GOLPH3: variants seen among roughly 807,000 people sequenced by gnomAD.
GOLPH3 encodes golgi phosphoprotein 3, also known as coat protein GPP34.
A neutral mutation model predicts 28.5 loss-of-function variants in GOLPH3; 14 were observed. That is an observed-to-expected ratio of 0.49 (90% CI 0.32 to 0.77). The LOEUF (loss-of-function observed/expected upper bound fraction) is 0.77, where lower values mean the gene tolerates loss of function less well. Among genes scored for constraint, GOLPH3 ranks in the 30% least tolerant of loss-of-function variants. GOLPH3 has a pLI of 0.03. For missense variants in GOLPH3, 350 were observed against 393.7 expected (o/e 0.89, Z 0.94); for synonymous variants, 158 against 159.2 (o/e 0.99, Z 0.06).
At position 32,126,385 on chromosome 5, in the gene GOLPH3, G is replaced by A; in HGVS notation, c.724C>T (p.Leu242=). The change falls in exon 4 of 4, where the codon CTG becomes TTG. Residue 242 remains leucine, a synonymous_variant. Coordinates refer to ENST00000265070, the MANE Select transcript of GOLPH3 (RefSeq NM_022130.4). ...TCCAGGACGTCCGAGGCATGAGCCA[G>A]GTAAATGAGGGCCAGCAAGCGCCTG... is the stretch of plus-strand genomic sequence containing the variant. ...MDRRLLALIY[L]AHASDVLENA... 1 of 1,614,182 alleles carries A rather than the reference G, an allele frequency of 6.2e-7. No individual in the cohort carries two copies. The highest frequency in any genetic ancestry group is 8.5e-7 in the Non-Finnish European group (1 of 1,180,040).
intron 2 of GOLPH3, among the ~76,000 whole-genome samples, chr5:32,136,383 A>C (rs1041147581): frequency 4.6e-5 from 7 of 151,296 alleles, no homozygotes; most frequent in Admixed American, 1.3e-4. Context: ...CTGGAGGCTG[A>C]GGCAGGAGAA....
Position 32,173,843 on chromosome 5 carries a change from C to T in GOLPH3, c.192G>A (p.Glu64=), listed in dbSNP as rs932039678. 6.6e-7 allele frequency: 1 copy of T among 1,508,948 alleles called. No individual in the cohort carries two copies. The highest frequency in any genetic ancestry group is 8.9e-7 in the Non-Finnish European group (1 of 1,129,878). The allele number at this position is 1,508,948 out of a possible 1,614,324, so 93.5% of individuals were successfully genotyped here. ...DSKETRLTLM[E]EVLLLGLKDR... ...CCTTGAGGCCCAGCAGGAGCACTTC[C>T]TCCATCAGGGTCAGCCGCGTTTCCT... is the stretch of plus-strand genomic sequence containing the variant. The change falls in exon 1 of 4, where the codon GAG becomes GAA. Residue 64 remains glutamate (E), a synonymous_variant. Transcript: ENST00000265070.
chr5:32,143,522 C>A (rs1021634120), intron 2 of GOLPH3, among the ~76,000 whole-genome samples: 6 of 151,974 alleles, frequency 3.9e-5, no homozygotes, highest in Non-Finnish European at 8.8e-5. Context: ...TAGAATCTTT[C>A]TGAATTTGTA....
chr5:32,140,659 G>A (rs1265988596), intron 2 of GOLPH3, among the ~76,000 whole-genome samples: 1 of 144,562 alleles, frequency 6.9e-6, no homozygotes, highest in Admixed American at 6.8e-5. Flanking sequence ...GTGACACTCA[G>A]TCTCAGAAAA....
chr5:32,174,266 C>A lies in GOLPH3; in HGVS notation c.-232G>T, dbSNP rs557421547. 1.2e-4 allele frequency: 44 copies of A among 354,920 alleles called. No homozygotes were observed. The highest frequency in any genetic ancestry group is 7.0e-4 in the African/African-American group (33 of 47,194). The allele number at this position is 354,920 out of a possible 1,614,324, so 22.0% of individuals were successfully genotyped here. On this transcript the variant is annotated 5_prime_UTR_variant, in exon 1 of 4. Transcript: ENST00000265070. Reference sequence around the variant, plus strand: ...GCGCCTTCCTGCCTGTGGCCGCAGTCCCCGAAACACCCCGAGCTCCAAGGC... The same window carrying A: ...GCGCCTTCCTGCCTGTGGCCGCAGTACCCGAAACACCCCGAGCTCCAAGGC...
chr5:32,149,237 G>T (rs1408119355), intron 1 of GOLPH3, among the ~76,000 whole-genome samples: 1 of 152,202 alleles, frequency 6.6e-6, no homozygotes, highest in Non-Finnish European at 1.5e-5. Context: ...GGCAAACCAA[G>T]ACATACAGAG....
At chr5:32,158,781 T>C (rs1334883793) in intron 1 of GOLPH3, among the ~76,000 whole-genome samples, 1 of 152,204 alleles carries the variant, frequency 6.6e-6, no homozygotes, top group Non-Finnish European at 1.5e-5. Flanking sequence ...AAGTCTCTAC[T>C]TTCTCTTCCG....
chr5:32,141,605 G>A (rs577595734), intron 2 of GOLPH3, among the ~76,000 whole-genome samples: 101 of 150,244 alleles, frequency 6.7e-4, no homozygotes, highest in Non-Finnish European at 1.1e-3. Context: ...CTCTCCCCAC[G>A]GTCTCCCTCC....
At chr5:32,144,773 T>C (rs544405740) in intron 1 of GOLPH3, among the ~76,000 whole-genome samples, 4 of 152,270 alleles carry the variant, frequency 2.6e-5, no homozygotes, top group Admixed American at 2.0e-4. Context: ...AGGAGGTTGA[T>C]AGACATCTAG....
intron 1 of GOLPH3, among the ~76,000 whole-genome samples, chr5:32,156,524 T>C (rs1412790624): frequency 6.6e-6 from 1 of 151,742 alleles, no homozygotes; most frequent in African/African-American, 2.4e-5. Context: ...AAATCTGTTG[T>C]TTATAAGTCA....
intron 1 of GOLPH3, among the ~76,000 whole-genome samples, chr5:32,152,368 G>A (rs181806533): frequency 0.014 from 2,005 of 147,750 alleles, 19 homozygotes; most frequent in Non-Finnish European, 0.02. Flanking sequence ...CGCGTGATCC[G>A]CCCACCTCAG....
At chr5:32,133,726 G>A (rs1273765811) in intron 3 of GOLPH3, among the ~76,000 whole-genome samples, 1 of 152,120 alleles carries the variant, frequency 6.6e-6, no homozygotes, top group East Asian at 1.9e-4. Flanking sequence ...CAATGTGATG[G>A]GTATTTGTGA....
At chr5:32,154,049 T>C (rs1746365358) in intron 1 of GOLPH3, among the ~76,000 whole-genome samples, 1 of 152,162 alleles carries the variant, frequency 6.6e-6, no homozygotes. Flanking sequence ...GAAACCAACT[T>C]AGAAAATAAC....
chr5:32,160,197 G>GA (rs957304453), intron 1 of GOLPH3, among the ~76,000 whole-genome samples: 15 of 151,094 alleles, frequency 9.9e-5, no homozygotes, highest in Non-Finnish European at 1.6e-4. Context: ...AGACTCTGGG[G>GA]AAAAAAAAAT....
chr5:32,165,341 G>C (rs958949956), intron 1 of GOLPH3, among the ~76,000 whole-genome samples: 1 of 152,162 alleles, frequency 6.6e-6, no homozygotes, highest in African/African-American at 2.4e-5. Context: ...CCAGCACTTT[G>C]GGAGGCCAAC....
chr5:32,136,456 G>A (rs888675013), intron 2 of GOLPH3, among the ~76,000 whole-genome samples: 3 of 151,312 alleles, frequency 2.0e-5, no homozygotes, highest in Admixed American at 2.0e-4. Flanking sequence ...ATTCCAGACT[G>A]GGCAACAAGA....
chr5:32,130,054 G>A lies in GOLPH3; in HGVS notation c.473-3418C>T, dbSNP rs1745791261. 2.6e-5 allele frequency among the ~76,000 whole-genome samples: 4 copies of A among 152,098 alleles called. No individual in the cohort carries two copies. In the South Asian group the frequency reaches 8.3e-4, roughly 32 times the overall value. ...GATGGGGTTTCACCGTGTTAGCCAGGATGGTCTCGATCTCCTGACATCGTG... is the reference window on the plus strand; with the variant it reads ...GATGGGGTTTCACCGTGTTAGCCAGAATGGTCTCGATCTCCTGACATCGTG... On this transcript the variant is annotated intron_variant, in intron 3 of 3. Coordinates refer to ENST00000265070, the MANE Select transcript of GOLPH3 (RefSeq NM_022130.4).
At chr5:32,166,571 G>A (rs527286116) in intron 1 of GOLPH3, among the ~76,000 whole-genome samples, 1 of 152,300 alleles carries the variant, frequency 6.6e-6, no homozygotes, top group Non-Finnish European at 1.5e-5. Context: ...CCTTTGGGAA[G>A]GCGAGGTGGG....
intron 1 of GOLPH3, among the ~76,000 whole-genome samples, chr5:32,164,831 AATTT>A (rs752540215): frequency 1.8e-4 from 28 of 152,146 alleles, no homozygotes; most frequent in African/African-American, 5.1e-4. Flanking sequence ...GTATTAAGTA[AATTT>A]ATTTAATAAG....
Sources: allele counts gnomAD v4.1 joint callset (sites outside exome capture counted in the v4.1 genomes callset), GRCh38; gene constraint gnomAD v4.1.1; transcripts MANE v1.5; gene names NCBI Gene and HGNC (gene_info 2026-07-23, HGNC 2026-07-21).